PARD3B: variants seen among roughly 807,000 people sequenced by gnomAD.
PARD3B encodes partitioning defective 3 homolog B.
A neutral mutation model predicts 130.2 loss-of-function variants in PARD3B; 103 were observed. That is an observed-to-expected ratio of 0.79 (90% CI 0.67 to 0.93). PARD3B has a LOEUF of 0.93. Among genes scored for constraint, PARD3B ranks in the 40% least tolerant of loss-of-function variants. The probability of loss-of-function intolerance (pLI) is 0.00; values close to 1 mark genes in which losing one functional copy is unlikely to be tolerated. For synonymous variants in PARD3B, 583 were observed against 553.2 expected (o/e 1.05, Z -0.76); for missense variants, 1,609 against 1,499.2 (o/e 1.07, Z -1.21).
intron 11 of PARD3B, among the ~76,000 whole-genome samples, chr2:205,170,350 T>G (rs2035085223): frequency 6.6e-6 from 1 of 152,162 alleles, no homozygotes; most frequent in African/African-American, 2.4e-5. Context: ...CCAGACTTGC[T>G]TCAAATTAGG....
intron 3 of PARD3B, among the ~76,000 whole-genome samples, chr2:205,037,888 A>G (rs1489330677): frequency 6.6e-6 from 1 of 152,106 alleles, no homozygotes; most frequent in East Asian, 1.9e-4. Flanking sequence ...TCTTGTTACT[A>G]AGGCTCCTCT....
chr2:204,680,499 T>C (rs900655113), intron 1 of PARD3B, among the ~76,000 whole-genome samples: 1 of 152,066 alleles, frequency 6.6e-6, no homozygotes, highest in Admixed American at 6.5e-5. Context: ...AAGCTTTTCA[T>C]AAAACCAACT....
At chr2:204,893,419 A>G (rs1248842469) in intron 2 of PARD3B, among the ~76,000 whole-genome samples, 1 of 152,174 alleles carries the variant, frequency 6.6e-6, no homozygotes, top group Non-Finnish European at 1.5e-5. Flanking sequence ...GATTTTTATG[A>G]GATGACCACA....
At chr2:204,915,990 C>G (rs184797400) in intron 2 of PARD3B, among the ~76,000 whole-genome samples, 5 of 152,262 alleles carry the variant, frequency 3.3e-5, no homozygotes, top group African/African-American at 1.2e-4. Context: ...ACAGTTGATT[C>G]CCAGTCCAGT....
At position 204,941,028 on chromosome 2, in the gene PARD3B, A is replaced by G. The variant is rs75069254; in HGVS notation, c.223-24124A>G. Among the ~76,000 whole-genome samples, 1,194 of 152,354 alleles carry G rather than the reference A, an allele frequency of 7.8e-3. 10 individuals are homozygous for G. Among genetic ancestry groups the G allele is most frequent in the African/African-American group, 0.027 (1,105 of 41,578 alleles). ...TATTCAGTGTTGTATGTTCTATTCA[A>G]TTAACGTGGGAGAGTTAAAAAACTA... On this transcript the variant is annotated intron_variant, in intron 2 of 22. Transcript: ENST00000406610.
intron 2 of PARD3B, among the ~76,000 whole-genome samples, chr2:204,959,938 T>C (rs1690600115): frequency 6.6e-6 from 1 of 150,874 alleles, no homozygotes; most frequent in Non-Finnish European, 1.5e-5. Flanking sequence ...GTAGATATGT[T>C]CCTGTGAACC....
At chr2:205,030,184 G>A (rs2125358255) in intron 3 of PARD3B, among the ~76,000 whole-genome samples, 1 of 152,210 alleles carries the variant, frequency 6.6e-6, no homozygotes, top group South Asian at 2.1e-4. Flanking sequence ...CTGTTTTTGA[G>A]GACAGAGATA....
At chr2:205,109,852 C>A (rs939403001) in intron 5 of PARD3B, among the ~76,000 whole-genome samples, 4 of 151,908 alleles carry the variant, frequency 2.6e-5, no homozygotes, top group Non-Finnish European at 5.9e-5. Flanking sequence ...TGGTGTTTCT[C>A]CATGGTGGCC....
At chr2:205,553,263 G>C in intron 21 of PARD3B, 61 bp from the exon 22 acceptor site, 1 of 1,475,198 alleles carries the variant, frequency 6.8e-7, no homozygotes, top group Non-Finnish European at 9.5e-7. Flanking sequence ...ATTTCGAGAT[G>C]CATTGTCAGT....
chr2:204,657,248 G>C (rs1038424075), intron 1 of PARD3B, among the ~76,000 whole-genome samples: 2 of 152,138 alleles, frequency 1.3e-5, no homozygotes, highest in African/African-American at 4.8e-5. Context: ...TGTGAGCTGG[G>C]CACAGTGACT....
rs960822694 is a variant in PARD3B at position 205,505,632 on chromosome 2, A to G, written c.3180+5601A>G. On this transcript the variant is annotated intron_variant, in intron 21 of 22. Coordinates refer to ENST00000406610, the MANE Select transcript of PARD3B (RefSeq NM_001302769.2). Reference sequence around the variant, plus strand: ...TAGCTGTGAAGTGTTAATATTTGCCAGAGGAAAACATAATACCTGTTATCT... The same window carrying G: ...TAGCTGTGAAGTGTTAATATTTGCCGGAGGAAAACATAATACCTGTTATCT... 3.3e-5 allele frequency among the ~76,000 whole-genome samples: 5 copies of G among 152,230 alleles called. No homozygotes were observed. In the East Asian group the frequency reaches 5.8e-4, roughly 18 times the overall value.
chr2:205,469,200 C>T (rs984310588), intron 20 of PARD3B, among the ~76,000 whole-genome samples: 14 of 152,060 alleles, frequency 9.2e-5, no homozygotes, highest in African/African-American at 3.1e-4. Context: ...AAATATGTAT[C>T]GAATGAATGA....
chr2:204,561,106 G>C (rs1389014415), intron 1 of PARD3B, among the ~76,000 whole-genome samples: 1 of 152,100 alleles, frequency 6.6e-6, no homozygotes, highest in East Asian at 1.9e-4. Context: ...AGAGGTGGGA[G>C]ACTGAGAACA....
intron 15 of PARD3B, among the ~76,000 whole-genome samples, chr2:205,231,017 C>T (rs1415888203): frequency 6.6e-6 from 1 of 152,012 alleles, no homozygotes; most frequent in African/African-American, 2.4e-5. Context: ...GAGTGGAGGA[C>T]GTGGGAGTGG....
chr2:204,655,194 A>G (rs574832810), intron 1 of PARD3B, among the ~76,000 whole-genome samples: 2 of 152,286 alleles, frequency 1.3e-5, no homozygotes, highest in East Asian at 3.9e-4. Flanking sequence ...CCAGTTACCA[A>G]TAAGTATCTC....
At chr2:204,586,504 C>T (rs1295641288) in intron 1 of PARD3B, among the ~76,000 whole-genome samples, 2 of 152,182 alleles carry the variant, frequency 1.3e-5, no homozygotes, top group African/African-American at 4.8e-5. Flanking sequence ...GTTGTGGAGG[C>T]AGGGTTAGAA....
At chr2:204,753,943 C>T (rs947447716) in intron 2 of PARD3B, among the ~76,000 whole-genome samples, 3 of 152,076 alleles carry the variant, frequency 2.0e-5, no homozygotes, top group African/African-American at 7.2e-5. Flanking sequence ...TGTTATTAAG[C>T]ATTGGCCCCT....
chr2:205,196,432 T>C (rs1035533531), intron 15 of PARD3B, among the ~76,000 whole-genome samples: 1 of 152,186 alleles, frequency 6.6e-6, no homozygotes, highest in Non-Finnish European at 1.5e-5. Flanking sequence ...CTTTCATTTA[T>C]AAAATATTGT....
At chr2:205,567,957 T>A (rs1232537065) in intron 22 of PARD3B, among the ~76,000 whole-genome samples, 1 of 152,170 alleles carries the variant, frequency 6.6e-6, no homozygotes, top group South Asian at 2.1e-4. Flanking sequence ...TTGCCCCACC[T>A]GGGGGCAAGC....
Sources: gnomAD v4.1 joint callset for allele counts (sites outside exome capture counted in the v4.1 genomes callset) on GRCh38, gnomAD v4.1.1 for gene constraint, MANE v1.5 for transcripts, NCBI Gene and HGNC (gene_info 2026-07-23, HGNC 2026-07-21) for gene names.